The following AHNAK variants were observed in gnomAD, a reference collection of about 807,000 sequenced individuals.
The protein encoded by AHNAK is AHNAK nucleoprotein.
AHNAK carries 23 observed loss-of-function variants against 37.8 expected under a neutral mutation model. That is an observed-to-expected ratio of 0.61 (90% confidence interval 0.44 to 0.86). AHNAK has a LOEUF of 0.86. Ranked by LOEUF, AHNAK falls within the 40% of genes least tolerant of loss-of-function variation. The pLI is 0.00. For missense variants in AHNAK, 7,411 were observed against 7,319.4 expected, an observed-to-expected ratio of 1.01 and a Z score of -0.46; for synonymous variants, 2,481 against 2,636.3, an observed-to-expected ratio of 0.94 and a Z score of 1.80.
intron 4 of AHNAK, among the ~76,000 whole-genome samples, chr11:62,502,617 G>A (rs186562398): frequency 4.7e-4 from 71 of 152,272 alleles, no homozygotes; most frequent in Non-Finnish European, 8.4e-4. Flanking sequence ...GCAAGAGGCA[G>A]ACAGACAAGC....
At position 62,531,695 on chromosome 11, in the gene AHNAK, T is replaced by A. The variant is rs750319225; in HGVS notation, c.2722A>T (p.Ile908Phe). Residue 908 changes from isoleucine (I) to phenylalanine (F), a missense_variant, in exon 5 of 5, where the codon ATC becomes TTC. Transcript: ENST00000378024. ...TCAACACCCACCTTGGGTCCTGAGA[T>A]GTCCACATCAGCCTTGGGCAGGTTC... Reference protein sequence around the residue: ...DVNLPKADVDISGPKVGVEVP... With the variant: ...DVNLPKADVDFSGPKVGVEVP... The A allele has an allele frequency of 6.2e-7, 1 of 1,614,186 alleles. No homozygotes were observed. Among genetic ancestry groups the A allele is most frequent in the Admixed American group, 1.7e-5 (1 of 60,022 alleles).
In AHNAK at chr11:62,529,574, C is replaced by A. The variant is rs756972150; in HGVS notation, c.4843G>T (p.Val1615Leu). Residue 1615 changes from valine to leucine, a missense_variant, in exon 5 of 5, where the codon GTG becomes TTG. Transcript: ENST00000378024. Reference sequence around the variant, plus strand: ...TTCACATCCATCTTAGGGGCTTTCACATCAATTTCAGGACCCTTCAAGTCT... The same window carrying A: ...TTCACATCCATCTTAGGGGCTTTCAAATCAATTTCAGGACCCTTCAAGTCT... ...EGDLKGPEID[V>L]KAPKMDVNVG... The A allele has an allele frequency of 4.3e-6, 7 of 1,614,036 alleles. No homozygotes were observed. The East Asian group carries it at 1.6e-4, about 36-fold the overall frequency.
Position 62,536,078 on chromosome 11 carries a change from G to T in AHNAK, c.21C>A (p.Thr7=). The change falls in exon 3 of 5, where the codon ACC becomes ACA. Residue 7 remains threonine, a synonymous_variant. Coordinates refer to ENST00000378024, the MANE Select transcript of AHNAK (RefSeq NM_001620.3). MEKEET[T]RELLLPNWQG... ...GCCAGTTGGGCAGCAGCAGCTCCCG[G>T]GTTGTCTCCTCCTTCTCCATCTGGA... 1 of 1,590,860 alleles carries T rather than the reference G, an allele frequency of 6.3e-7. No homozygotes were observed. Among genetic ancestry groups the T allele is most frequent in the Non-Finnish European group, 8.6e-7 (1 of 1,168,438 alleles).
At chr11:62,438,407 T>C (rs1565194155) in intron 5 of AHNAK, among the ~76,000 whole-genome samples, 1 of 152,054 alleles carries the variant, frequency 6.6e-6, no homozygotes, top group Non-Finnish European at 1.5e-5. Context: ...GGTCTCGAAC[T>C]CCTGACAGGT....
chr11:62,443,275 C>CTTTTTTTTTTTTT lies in AHNAK; in HGVS notation c.443-9397_443-9385dup, dbSNP rs530619642. On this transcript the variant is annotated intron_variant, in intron 5 of 5. Transcript: ENST00000257247. ...ACAGGTGTGAGCCACTGCACCCGGCCTTTTTTTTTTTTTTGAGACAGAGTT... is the reference window on the plus strand; with the variant it reads ...ACAGGTGTGAGCCACTGCACCCGGCCTTTTTTTTTTTTTTTTTTTTTTTTTTTGAGACAGAGTT... 1.6e-4 allele frequency among the ~76,000 whole-genome samples: 16 copies of CTTTTTTTTTTTTT among 99,770 alleles called. 1 individual carries two copies. The highest frequency in any genetic ancestry group is 2.6e-4 in the Admixed American group (2 of 7,630). 65.5% of individuals were successfully genotyped at this position (99,770 alleles called of 152,430 possible). A position where few individuals can be genotyped will look rare whatever the true frequency, so the allele number is the denominator to read the frequency against.
In AHNAK at chr11:62,526,961, C is replaced by T; in HGVS notation, c.7456G>A (p.Asp2486Asn). The T allele has an allele frequency of 6.2e-7, 1 of 1,614,128 alleles. No homozygotes were observed. The highest frequency in any genetic ancestry group is 8.5e-7 in the Non-Finnish European group (1 of 1,179,988). ...PEVEGKLEVP[D>N]MNIRGPKVDV... Reference sequence around the variant, plus strand: ...ACTTTGGGGCCCCTGATGTTCATATCTGGTACTTCAAGTTTACCTTCTACC... The same window carrying T: ...ACTTTGGGGCCCCTGATGTTCATATTTGGTACTTCAAGTTTACCTTCTACC... Residue 2486 changes from aspartate to asparagine, a missense_variant, in exon 5 of 5, where the codon GAT (aspartate) becomes AAT (asparagine). Physicochemically the swap from Asp to Asn is conservative, Grantham distance 23 (BLOSUM62 1). Transcript: ENST00000378024.
intron 5 of AHNAK, among the ~76,000 whole-genome samples, chr11:62,490,143 G>A (rs1939476925): frequency 6.6e-6 from 1 of 151,322 alleles, no homozygotes; most frequent in South Asian, 2.1e-4. Context: ...TCAAAGAATA[G>A]CACCACAGCA....
chr11:62,522,844 C>G lies in AHNAK; in HGVS notation c.11573G>C (p.Gly3858Ala). Reference protein sequence around the residue: ...NIEGPEGKLKGPKFKMPEMNI... With the variant: ...NIEGPEGKLKAPKFKMPEMNI... Reference sequence around the variant, plus strand: ...CATCTCAGGCATCTTGAATTTGGGACCTTTCAACTTTCCCTCTGGGCCTTC... The same window carrying G: ...CATCTCAGGCATCTTGAATTTGGGAGCTTTCAACTTTCCCTCTGGGCCTTC... Residue 3858 changes from glycine to alanine, a missense_variant, in exon 5 of 5, where the codon GGT becomes GCT. Coordinates refer to ENST00000378024, the MANE Select transcript of AHNAK (RefSeq NM_001620.3). 6.2e-7 allele frequency: 1 copy of G among 1,613,056 alleles called. No homozygotes were observed.
At chr11:62,440,011 C>T (rs1274895026) in intron 5 of AHNAK, among the ~76,000 whole-genome samples, 1 of 152,164 alleles carries the variant, frequency 6.6e-6, no homozygotes, top group Non-Finnish European at 1.5e-5. Flanking sequence ...CTTTCCTTCC[C>T]TAAAACAGGG....
Position 62,531,769 on chromosome 11 carries a change from G to T in AHNAK, c.2648C>A (p.Pro883His). 6.2e-7 allele frequency: 1 copy of T among 1,613,542 alleles called. No individual in the cohort carries two copies. The highest frequency in any genetic ancestry group is 1.1e-5 in the South Asian group (1 of 91,058). Residue 883 changes from proline (P) to histidine (H), a missense_variant, in exon 5 of 5, where the codon CCC becomes CAC. Pro to His is a moderately conservative substitution (Grantham distance 77, BLOSUM62 -2). Transcript: ENST00000378024. ...WHLKMPKMKM[P>H]KFSMPGFKAE... ...TTTGAAGCCAGGCATGCTGAACTTG[G>T]GCATTTTCATCTTGGGCATCTTCAG...
chr11:62,530,055 T>A lies in AHNAK; in HGVS notation c.4362A>T (p.Pro1454=), dbSNP rs199906881. 2 of 1,613,896 alleles carry A rather than the reference T, an allele frequency of 1.2e-6. No homozygotes were observed. Among genetic ancestry groups the A allele is most frequent in the East Asian group, 4.5e-5 (2 of 44,888 alleles). Residue 1454 remains proline (P), a synonymous_variant, in exon 5 of 5, where the codon CCA becomes CCT. Transcript: ENST00000378024. ...GACCTTTCAAATGCAAACCAACATCTGGTATGGATATCTTCTGAGGCTTTA... is the reference window on the plus strand; with the variant it reads ...GACCTTTCAAATGCAAACCAACATCAGGTATGGATATCTTCTGAGGCTTTA... The part of the protein sequence containing the change: ...MSIKPQKISI[P]DVGLHLKGPK...
intron 5 of AHNAK, among the ~76,000 whole-genome samples, chr11:62,438,647 G>A (rs559067339): frequency 6.6e-6 from 1 of 152,208 alleles, no homozygotes; most frequent in African/African-American, 2.4e-5. Flanking sequence ...CTTGGATGAA[G>A]AGAGGATTTA....
intron 5 of AHNAK, among the ~76,000 whole-genome samples, chr11:62,489,165 C>T (rs542060657): frequency 4.0e-5 from 6 of 150,266 alleles, no homozygotes; most frequent in South Asian, 2.1e-4. Context: ...TGCTTGAACG[C>T]GGGAGGTGGA....
chr11:62,507,691 G>A (rs1367870185), intron 4 of AHNAK, among the ~76,000 whole-genome samples: 2 of 152,162 alleles, frequency 1.3e-5, no homozygotes, highest in African/African-American at 2.4e-5. Flanking sequence ...TCAGGAAGCC[G>A]AGGCAGGAGA....
chr11:62,434,219 C>G (rs1938111975), intron 5 of AHNAK, among the ~76,000 whole-genome samples: 1 of 152,170 alleles, frequency 6.6e-6, no homozygotes, highest in Non-Finnish European at 1.5e-5. Flanking sequence ...CAAGAACATT[C>G]AAATAACAGA....
Position 62,521,354 on chromosome 11 carries a change from C to T in AHNAK, c.13063G>A (p.Asp4355Asn). 6.2e-7 allele frequency: 1 copy of T among 1,613,700 alleles called. No homozygotes were observed. Among genetic ancestry groups the T allele is most frequent in the Middle Eastern group, 1.7e-4 (1 of 6,060 alleles). ...IEISGPKVDI[D>N]APDVSIEGPD... is the part of the protein sequence containing the mutation. ...CCTTCGATACTGACATCAGGGGCAT[C>T]AATGTCCACTTTGGGGCCAGAAATC... The change falls in exon 5 of 5, where the codon GAT (aspartate) becomes AAT (asparagine). Residue 4355 changes from aspartate (D) to asparagine (N), a missense_variant. By Grantham distance (23) the Asp-to-Asn change is conservative. Transcript: ENST00000378024.
intron 1 of AHNAK, among the ~76,000 whole-genome samples, chr11:62,543,253 A>G (rs978510244): frequency 6.6e-6 from 1 of 152,186 alleles, no homozygotes; most frequent in Non-Finnish European, 1.5e-5. Flanking sequence ...AACTCACTTC[A>G]GTCCTTACCT....
Position 62,516,154 on chromosome 11 carries a change from A to G in AHNAK, c.*590T>C. On this transcript the variant is annotated 3_prime_UTR_variant, in exon 5 of 5. Transcript: ENST00000378024. ...CAGATTCTAATTTCCTCTCACCGTC[A>G]GCACCAAACTGGCTGGGACCACCAC... 3.1e-6 allele frequency: 4 copies of G among 1,288,772 alleles called. No individual in the cohort carries two copies. Among genetic ancestry groups the G allele is most frequent in the Non-Finnish European group, 4.0e-6 (4 of 988,516 alleles). The allele number at this position is 1,288,772 out of a possible 1,614,324, so 79.8% of individuals were successfully genotyped here.
At chr11:62,458,303 G>C (rs3018616) in intron 5 of AHNAK, among the ~76,000 whole-genome samples, 49,020 of 151,876 alleles carry the variant, frequency 0.32, 8,312 homozygotes, top group Admixed American at 0.46. Flanking sequence ...CCAAGAATAA[G>C]AACAGGACCA....
Sources: gnomAD v4.1 joint callset for allele counts (sites outside exome capture counted in the v4.1 genomes callset) on GRCh38, gnomAD v4.1.1 for gene constraint, MANE v1.5 for transcripts, NCBI Gene and HGNC (gene_info 2026-07-23, HGNC 2026-07-21) for gene names.